Variants in FUT1 observed in about 807,000 individuals in gnomAD.
FUT1 encodes the protein fucosyltransferase 1 (H blood group).
For missense variants in FUT1, 476 were observed against 492.7 expected, an observed-to-expected ratio of 0.97 and a Z score of 0.32; for synonymous variants, 215 against 208.7, an observed-to-expected ratio of 1.03 and a Z score of -0.26.
Position 48,752,338 on chromosome 19 carries a change from T to G in FUT1, c.-3+152A>C, listed in dbSNP as rs1255965718. Among the ~76,000 whole-genome samples, 1 of 151,864 alleles carries G rather than the reference T, an allele frequency of 6.6e-6. No individual in the cohort carries two copies. The highest frequency in any genetic ancestry group is 1.5e-5 in the Non-Finnish European group (1 of 67,964). ...TGGAGGGTCAGGAGCGGAAGGAGCA[T>G]CTTGGTTCCTGGAGGAGTAATGGCT... On this transcript the variant is annotated intron_variant, in intron 1 of 1. Transcript: ENST00000645652. This position sits in a 1 kb window ranked among gnomAD's most constrained non-coding sequence, Gnocchi z 4.3.
chr19:48,754,072 G>T (rs975580854), upstream of FUT1, among the ~76,000 whole-genome samples: 20 of 151,530 alleles, frequency 1.3e-4, no homozygotes, highest in African/African-American at 4.6e-4. Flanking sequence ...TGTAGTCCTA[G>T]CTATTTGGGA....
rs146374529 is a variant in FUT1 at position 48,750,909 on chromosome 19, G to A, written c.373C>T (p.Arg125Cys). 5 of 1,613,072 alleles carry A rather than the reference G, an allele frequency of 3.1e-6. No individual in the cohort carries two copies. Among genetic ancestry groups the A allele is most frequent in the Non-Finnish European group, 3.4e-6 (4 of 1,179,476 alleles). Residue 125 changes from arginine to cysteine, a missense_variant, in exon 2 of 2, where the codon CGC becomes TGC. Arg to Cys is a radical substitution (Grantham distance 180). Coordinates refer to ENST00000645652, the MANE Select transcript of FUT1 (RefSeq NM_001384359.1). ...AMHAALAPVF[R>C]ITLPVLAPEV... ...GGGGCCAGCACGGGCAGGGTGATGC[G>A]GAATACCGGGGCCAGGGCGGCATGC...
rs530051126 is a variant in FUT1 at position 48,751,144 on chromosome 19, G to A, written c.138C>T (p.Arg46=). The A allele has an allele frequency of 1.9e-6, 3 of 1,614,100 alleles. No homozygotes were observed. The South Asian group carries it at 3.3e-5, about 18-fold the overall frequency. The change falls in exon 2 of 2, where the codon CGC becomes CGT. Residue 46 remains arginine (R), a synonymous_variant. Coordinates refer to ENST00000645652, the MANE Select transcript of FUT1 (RefSeq NM_001384359.1). Reference sequence around the variant, plus strand: ...AGATGGCCACTGGGGGTGTCACCAGGCGGCGGTCTGGACACAGGATCGACA... The same window carrying A: ...AGATGGCCACTGGGGGTGTCACCAGACGGCGGTCTGGACACAGGATCGACA... ...LGLSILCPDR[R]LVTPPVAIFC... is the part of the protein sequence containing the mutation.
upstream of FUT1, chr19:48,753,011 T>C (rs370130542): frequency 1.9e-5 from 12 of 637,018 alleles, 2 homozygotes; most frequent in Admixed American, 6.3e-5. Context: ...GGGCTTAGAG[T>C]CGGCCCCCGA....
chr19:48,755,031 G>A (rs1460968143), upstream of FUT1, among the ~76,000 whole-genome samples: 1 of 148,308 alleles, frequency 6.7e-6, no homozygotes, highest in African/African-American at 2.5e-5. Flanking sequence ...CAGGAGTCCA[G>A]GACCCCAGCC....
rs1050905675 is a variant in FUT1, at chr19:48,749,216, G to C, written c.*968C>G. On this transcript the variant is annotated 3_prime_UTR_variant, in exon 2 of 2. Transcript: ENST00000645652. Reference sequence around the variant, plus strand: ...GGCTGAGGCAGAATGGCATGAACCCGGGAGGCAGAGCTTGCAGTGAGCTGA... The same window carrying C: ...GGCTGAGGCAGAATGGCATGAACCCCGGAGGCAGAGCTTGCAGTGAGCTGA... 1 of 151,892 alleles carries C rather than the reference G, an allele frequency of 6.6e-6. No homozygotes were observed. 9.4% of individuals were successfully genotyped at this position (151,892 alleles called of 1,614,324 possible). A position where few individuals can be genotyped will look rare whatever the true frequency, so the allele number is the denominator to read the frequency against.
Position 48,750,941 on chromosome 19 carries a change from G to A in FUT1, c.341C>T (p.Pro114Leu), listed in dbSNP as rs2033991034. The change falls in exon 2 of 2, where the codon CCT (proline) becomes CTT (leucine). Residue 114 changes from proline (P) to leucine (L), a missense_variant. Pro to Leu is a moderately conservative substitution (Grantham distance 98). Coordinates refer to ENST00000645652, the MANE Select transcript of FUT1 (RefSeq NM_001384359.1). ...QLNGRRAFIL[P>L]AMHAALAPVF... Reference sequence around the variant, plus strand: ...CGGGGCCAGGGCGGCATGCATGGCAGGCAGGATAAAGGCCCGGCGGCCGTT... The same window carrying A: ...CGGGGCCAGGGCGGCATGCATGGCAAGCAGGATAAAGGCCCGGCGGCCGTT... 6.2e-7 allele frequency: 1 copy of A among 1,610,050 alleles called. No homozygotes were observed. Among genetic ancestry groups the A allele is most frequent in the East Asian group, 2.2e-5 (1 of 44,804 alleles).
In FUT1 at chr19:48,750,515, G is replaced by C; in HGVS notation, c.767C>G (p.Pro256Arg). The part of the protein sequence containing the change: ...MDWFRARHEA[P>R]VFVVTSNGME... The stretch of plus-strand genomic sequence containing the variant: ...GCCGTTGCTGGTGACCACGAAAACG[G>C]GGGCTTCGTGCCGTGCCCGGAACCA... The change falls in exon 2 of 2, where the codon CCC becomes CGC. Residue 256 changes from proline (P) to arginine (R), a missense_variant. Pro to Arg is a moderately radical substitution (Grantham distance 103, BLOSUM62 -2). Coordinates refer to ENST00000645652, the MANE Select transcript of FUT1 (RefSeq NM_001384359.1). 6.2e-7 allele frequency: 1 copy of C among 1,613,820 alleles called. No individual in the cohort carries two copies. The highest frequency in any genetic ancestry group is 8.5e-7 in the Non-Finnish European group (1 of 1,180,036).
chr19:48,752,745 C>T (rs555391174), upstream of FUT1: 54 of 985,398 alleles, frequency 5.5e-5, no homozygotes, highest in East Asian at 5.0e-3. The surrounding 1 kb of genome is among the most constrained non-coding windows in gnomAD (Gnocchi z 4.3). Flanking sequence ...GGAGCCCCGC[C>T]CGTCACTTGG....
chr19:48,751,082 G>A lies in FUT1; in HGVS notation c.200C>T (p.Ser67Phe), dbSNP rs768176144. 6.2e-7 allele frequency: 1 copy of A among 1,610,482 alleles called. No individual in the cohort carries two copies. Among genetic ancestry groups the A allele is most frequent in the Non-Finnish European group, 8.5e-7 (1 of 1,177,288 alleles). Residue 67 changes from serine to phenylalanine, a missense_variant, in exon 2 of 2, where the codon TCC becomes TTC. By Grantham distance (155) the Ser-to-Phe change is radical. Transcript: ENST00000645652. ...AGCAGGGTGCTGGGGACAGGAAGAG[G>A]AGGCGTTGGGGCCCATCGCAGTACC... ...LPGTAMGPNA[S>F]SSCPQHPASL... is the part of the protein sequence containing the mutation.
At position 48,752,109 on chromosome 19, in the gene FUT1, T is replaced by TA. The variant is rs71179040; in HGVS notation, c.-3+380dup. ...TGCGCGACAGAGAGGGACCCTGTCT[T>TA]AAAAAAAAAAAAAAAAAAAAAAAAA... is the stretch of plus-strand genomic sequence containing the variant. On this transcript the variant is annotated intron_variant, in intron 1 of 1. Transcript: ENST00000645652. This position sits in a 1 kb window ranked among gnomAD's most constrained non-coding sequence, Gnocchi z 4.3. 0.034 allele frequency among the ~76,000 whole-genome samples: 3,380 copies of TA among 100,080 alleles called. 99 individuals are homozygous for TA. The highest frequency in any genetic ancestry group is 0.17 in the East Asian group (524 of 3,054). 65.7% of individuals were successfully genotyped at this position (100,080 alleles called of 152,430 possible).
Position 48,750,116 on chromosome 19 carries a change from C to G in FUT1, c.*68G>C. On this transcript the variant is annotated 3_prime_UTR_variant, in exon 2 of 2. Transcript: ENST00000645652. ...CACCACAAGCTTCTCCAGAAGATGC[C>G]AGGCCTCTGAAGCCACGTACTGCTG... The G allele has an allele frequency of 6.4e-7, 1 of 1,558,930 alleles. No homozygotes were observed. The highest frequency in any genetic ancestry group is 8.7e-7 in the Non-Finnish European group (1 of 1,153,488).
In FUT1 at chr19:48,750,799, G is replaced by A; in HGVS notation, c.483C>T (p.Phe161=). 1 of 1,613,992 alleles carries A rather than the reference G, an allele frequency of 6.2e-7. No homozygotes were observed. The highest frequency in any genetic ancestry group is 8.5e-7 in the Non-Finnish European group (1 of 1,179,994). ...AGCAGGGGAAGCCAGAGAGCTTCAG[G>A]AAAGGATCTCTCAAGTCCGCGTACT... ...SEEYADLRDP[F]LKLSGFPCSW... The change falls in exon 2 of 2, where the codon TTC becomes TTT. Residue 161 remains phenylalanine, a synonymous_variant. Transcript: ENST00000645652.
rs963765569 is a variant in FUT1, at chr19:48,748,062, C to G, written c.*2122G>C. ...CCTCCTGCTCTCTCACCCGTGGCAG[C>G]TGAGTTGGGAACAGTACTGTAACAA... On this transcript the variant is annotated 3_prime_UTR_variant, in exon 2 of 2. Coordinates refer to ENST00000645652, the MANE Select transcript of FUT1 (RefSeq NM_001384359.1). 6.6e-6 allele frequency: 1 copy of G among 152,238 alleles called. No homozygotes were observed. The highest frequency in any genetic ancestry group is 1.5e-5 in the Non-Finnish European group (1 of 68,042). 9.4% of individuals were successfully genotyped at this position (152,238 alleles called of 1,614,324 possible).
Position 48,750,643 on chromosome 19 carries a change from G to A in FUT1, c.639C>T (p.Thr213=). 2 of 1,612,434 alleles carry A rather than the reference G, an allele frequency of 1.2e-6. No individual in the cohort carries two copies. The highest frequency in any genetic ancestry group is 1.7e-6 in the Non-Finnish European group (2 of 1,179,944). Reference sequence around the variant, plus strand: ...CACGGCGCACGTGGACGCCGACAAAGGTGCGCGGGCGGTCCCCTGTGCGGC... The same window carrying A: ...CACGGCGCACGTGGACGCCGACAAAAGTGCGCGGGCGGTCCCCTGTGCGGC... ...RLGRTGDRPR[T]FVGVHVRRGD... Residue 213 remains threonine, a synonymous_variant, in exon 2 of 2, where the codon ACC becomes ACT. Coordinates refer to ENST00000645652, the MANE Select transcript of FUT1 (RefSeq NM_001384359.1).
chr19:48,751,174 T>C lies in FUT1; in HGVS notation c.108A>G (p.Leu36=), dbSNP rs1338000140. 2 of 1,613,996 alleles carry C rather than the reference T, an allele frequency of 1.2e-6. No homozygotes were observed. Among genetic ancestry groups the C allele is most frequent in the Non-Finnish European group, 1.7e-6 (2 of 1,180,038 alleles). The change falls in exon 2 of 2, where the codon CTA becomes CTG. Residue 36 remains leucine, a synonymous_variant. Coordinates refer to ENST00000645652, the MANE Select transcript of FUT1 (RefSeq NM_001384359.1). ...GGTCTGGACACAGGATCGACAGGCC[T>C]AGGCCATGTGGAAAGCTGTCTTGAT... ...HIHQDSFPHG[L]GLSILCPDRR...
chr19:48,749,614 CAA>C lies in FUT1; in HGVS notation c.*568_*569del, dbSNP rs150453456. ...GGGCAACAGAGCGAGACCCTGTCTC[CAA>C]AAAAAAAAAAAAAAAACTAAAAAGA... On this transcript the variant is annotated 3_prime_UTR_variant, in exon 2 of 2. Transcript: ENST00000645652. The C allele has an allele frequency of 0.096, 10,094 of 105,484 alleles. 1,075 individuals are homozygous for C. Among genetic ancestry groups the C allele is most frequent in the African/African-American group, 0.3 (9,380 of 31,744 alleles). The allele number at this position is 105,484 out of a possible 1,614,324, so 6.5% of individuals were successfully genotyped here.
At chr19:48,753,960 G>A (rs1316495008), upstream of FUT1, among the ~76,000 whole-genome samples, 2 of 152,112 alleles carry the variant, frequency 1.3e-5, no homozygotes, top group Non-Finnish European at 2.9e-5. Flanking sequence ...TGAGGCGGGC[G>A]GATCACAAGG....
intron 1 of FUT1, 104 bp from the exon 2 acceptor site, chr19:48,751,387 G>GT (rs1281051101): frequency 1.7e-6 from 2 of 1,193,716 alleles, no homozygotes; most frequent in African/African-American, 3.1e-5. Flanking sequence ...GCACTCCTTA[G>GT]TCCCAGGGAA....
Sources: gnomAD v4.1 joint callset for allele counts (sites outside exome capture counted in the v4.1 genomes callset) on GRCh38, gnomAD v4.1.1 for gene constraint, Gnocchi (gnomAD v3.1) non-coding constraint, MANE v1.5 for transcripts, NCBI Gene and HGNC (gene_info 2026-07-23, HGNC 2026-07-21) for gene names.